SHISA4: variants seen among roughly 807,000 people sequenced by gnomAD.
SHISA4 encodes the protein shisa family member 4.
Under a neutral mutation model 24.2 loss-of-function variants are expected in SHISA4, and 16 were observed. That is an observed-to-expected ratio of 0.66 (90% CI 0.45 to 1.00). The LOEUF is 1.00. Among genes scored for constraint, SHISA4 ranks in the 50% least tolerant of loss-of-function variants. The probability of loss-of-function intolerance (pLI) is 0.00; values close to 1 mark genes in which losing one functional copy is unlikely to be tolerated. For missense variants in SHISA4, 238 were observed against 258.9 expected, an observed-to-expected ratio of 0.92 and a Z score of 0.55; for synonymous variants, 106 against 105.4, an observed-to-expected ratio of 1.01 and a Z score of -0.04.
At position 201,890,716 on chromosome 1, in the gene SHISA4, A is replaced by G. The variant is rs79284730; in HGVS notation, c.379+129A>G. The G allele has an allele frequency of 1.5e-4, 190 of 1,251,822 alleles. No individual in the cohort carries two copies. The East Asian group carries it at 3.9e-3, about 26-fold the overall frequency. 77.5% of individuals were successfully genotyped at this position (1,251,822 alleles called of 1,614,324 possible). Reference sequence around the variant, plus strand: ...CTTCTGTATACACACACCTGCCAGCATGAAAACCCAGAAAAATGCTTGTAA... The same window carrying G: ...CTTCTGTATACACACACCTGCCAGCGTGAAAACCCAGAAAAATGCTTGTAA... On this transcript the variant is annotated intron_variant, in intron 3 of 4. Transcript: ENST00000362011.
At chr1:201,891,632 C>G (rs1305219732) in intron 4 of SHISA4, 64 bp downstream of exon 4, 1 of 1,551,798 alleles carries the variant, frequency 6.4e-7, no homozygotes, top group Non-Finnish European at 8.8e-7. Flanking sequence ...GCGACCTCCC[C>G]TGTGCCTCTC....
chr1:201,892,044 G>A lies in SHISA4; in HGVS notation c.*198G>A, dbSNP rs553974867. ...GCTGAACTAGAACTATGAGGGGTTG[G>A]GGGGAGGGCTTGGAATTATGGGCTA... On this transcript the variant is annotated 3_prime_UTR_variant, in exon 5 of 5. Transcript: ENST00000362011. 1 of 624,914 alleles carries A rather than the reference G, an allele frequency of 1.6e-6. No individual in the cohort carries two copies. Among genetic ancestry groups the A allele is most frequent in the African/African-American group, 1.8e-5 (1 of 54,070 alleles). 38.7% of individuals were successfully genotyped at this position (624,914 alleles called of 1,614,324 possible).
In SHISA4 at chr1:201,889,020, C is replaced by G; in HGVS notation, c.26C>G (p.Ala9Gly). 1 of 1,380,316 alleles carries G rather than the reference C, an allele frequency of 7.2e-7. No homozygotes were observed. Among genetic ancestry groups the G allele is most frequent in the South Asian group, 1.8e-5 (1 of 55,580 alleles). The allele number at this position is 1,380,316 out of a possible 1,614,324, so 85.5% of individuals were successfully genotyped here. A position where few individuals can be genotyped will look rare whatever the true frequency, so the allele number is the denominator to read the frequency against. MPPAGLRR[A>G]APLTAIALLV... ...ATGCCACCCGCGGGGCTCCGCCGGG[C>G]CGCGCCGCTCACCGCAATCGCTCTG... Residue 9 changes from alanine (A) to glycine (G), a missense_variant, in exon 1 of 5, where the codon GCC (alanine) becomes GGC (glycine). Transcript: ENST00000362011.
chr1:201,888,854 G>T, upstream of SHISA4: 1 of 468,522 alleles, frequency 2.1e-6, no homozygotes. Flanking sequence ...CGGGCGGGGC[G>T]CTTAGTCCCA....
rs919670805 is a variant in SHISA4 at position 201,892,488 on chromosome 1, G to C, written c.*642G>C. ...GCGGACTGTTCCTGGCTTCCTAAAGGCTTCCTAAAGACAATGAGGTGAATT... is the reference window on the plus strand; with the variant it reads ...GCGGACTGTTCCTGGCTTCCTAAAGCCTTCCTAAAGACAATGAGGTGAATT... On this transcript the variant is annotated 3_prime_UTR_variant, in exon 5 of 5. Transcript: ENST00000362011. 3.3e-5 allele frequency among the ~76,000 whole-genome samples: 5 copies of C among 151,992 alleles called. No homozygotes were observed. The highest frequency in any genetic ancestry group is 1.3e-4 in the Admixed American group (2 of 15,242).
At chr1:201,891,699 C>G (rs1681103213) in intron 4 of SHISA4, 101 bp from the exon 5 acceptor site, 1 of 1,547,678 alleles carries the variant, frequency 6.5e-7, no homozygotes, top group Non-Finnish European at 8.9e-7. Context: ...AACCTCCAGG[C>G]CCACTCTTCC....
At chr1:201,889,972 T>G (rs926146561) in intron 2 of SHISA4, among the ~76,000 whole-genome samples, 1 of 152,154 alleles carries the variant, frequency 6.6e-6, no homozygotes, top group African/African-American at 2.4e-5. Context: ...GCAGGAGACT[T>G]GGGTTTGATT....
In SHISA4 at chr1:201,888,977, C is replaced by T; in HGVS notation, c.-18C>T. The T allele has an allele frequency of 7.2e-7, 1 of 1,381,160 alleles. No individual in the cohort carries two copies. Among genetic ancestry groups the T allele is most frequent in the Non-Finnish European group, 9.4e-7 (1 of 1,065,114 alleles). The allele number at this position is 1,381,160 out of a possible 1,614,324, so 85.6% of individuals were successfully genotyped here. ...CCTTCTCTGGGAGGCCCGACCCCGGCCGCGCCCAGCCCCCACCATGCCACC... is the reference window on the plus strand; with the variant it reads ...CCTTCTCTGGGAGGCCCGACCCCGGTCGCGCCCAGCCCCCACCATGCCACC... On this transcript the variant is annotated 5_prime_UTR_variant, in exon 1 of 5. Transcript: ENST00000362011.
chr1:201,889,684 C>T (rs1158191957), intron 2 of SHISA4, 68 bp downstream of exon 2: 3 of 1,554,036 alleles, frequency 1.9e-6, no homozygotes, highest in Admixed American at 1.7e-5. Flanking sequence ...CTCTTCCTCC[C>T]TCCCGGACTC....
chr1:201,892,080 G>A lies in SHISA4; in HGVS notation c.*234G>A, dbSNP rs1341507562. On this transcript the variant is annotated 3_prime_UTR_variant, in exon 5 of 5. Coordinates refer to ENST00000362011, the MANE Select transcript of SHISA4 (RefSeq NM_198149.3). ...TGGAATTATGGGCTATTTTTACTGG[G>A]GGCAAGGGAGGGAGATGACAGCCTG... is the stretch of plus-strand genomic sequence containing the variant. 7.2e-6 allele frequency: 4 copies of A among 552,026 alleles called. No homozygotes were observed. Among genetic ancestry groups the A allele is most frequent in the South Asian group, 4.3e-5 (2 of 46,794 alleles). 34.2% of individuals were successfully genotyped at this position (552,026 alleles called of 1,614,324 possible). A position where few individuals can be genotyped will look rare whatever the true frequency, so the allele number is the denominator to read the frequency against.
rs1681072044 is a variant in SHISA4 at position 201,890,439 on chromosome 1, G to C, written c.246-15G>C. On this transcript the variant is annotated splice_polypyrimidine_tract_variant and intron_variant, in intron 2 of 4. Transcript: ENST00000362011. ...TGAGTGTTGGAAGGTGAGAGGACCTGTTCTTTGTCTAAAGCCCCAAGACCA... is the reference window on the plus strand; with the variant it reads ...TGAGTGTTGGAAGGTGAGAGGACCTCTTCTTTGTCTAAAGCCCCAAGACCA... 6.2e-7 allele frequency: 1 copy of C among 1,613,890 alleles called. No homozygotes were observed. Among genetic ancestry groups the C allele is most frequent in the Non-Finnish European group, 8.5e-7 (1 of 1,179,870 alleles).
intron 2 of SHISA4, among the ~76,000 whole-genome samples, chr1:201,890,229 C>T (rs1571567485): frequency 1.3e-5 from 2 of 152,178 alleles, no homozygotes; most frequent in African/African-American, 4.8e-5. Context: ...GTTGGGGGCG[C>T]ACTGCAAATC....
intron 1 of SHISA4, 84 bp downstream of exon 1, chr1:201,889,151 G>C: frequency 7.9e-7 from 1 of 1,268,782 alleles, no homozygotes; most frequent in African/African-American, 1.5e-5. Flanking sequence ...TGGGCTCGGG[G>C]CTTCTCCGAG....
chr1:201,889,584 C>T lies in SHISA4; in HGVS notation c.213C>T (p.Thr71=), dbSNP rs1482921157. ...YCCRDLTLLI[T]ERQQKHCLAF... ...GCAGGGACCTGACCTTGCTTATCAC[C>T]GAGAGGCAGCAGAAGCACTGCCTGG... Residue 71 remains threonine, a synonymous_variant, in exon 2 of 5, where the codon ACC becomes ACT. Transcript: ENST00000362011. The T allele has an allele frequency of 1.2e-6, 2 of 1,613,728 alleles. No individual in the cohort carries two copies. Among genetic ancestry groups the T allele is most frequent in the Non-Finnish European group, 1.7e-6 (2 of 1,180,010 alleles).
intron 3 of SHISA4, 45 bp downstream of exon 3, chr1:201,890,632 A>G: frequency 6.2e-7 from 1 of 1,606,172 alleles, no homozygotes; most frequent in Non-Finnish European, 8.5e-7. Context: ...GGGCTGGGCT[A>G]AGTCCAATAA....
chr1:201,891,740 G>T lies in SHISA4; in HGVS notation c.548-60G>T, dbSNP rs1317249264. The T allele has an allele frequency of 2.5e-6, 4 of 1,598,840 alleles. No homozygotes were observed. In the African/African-American group the frequency reaches 5.4e-5, roughly 21 times the overall value. ...GGTCCTGTCTGCCCCGGGGGCAGGG[G>T]TGTTACTTTTCGTCCACCTATGCCA... On this transcript the variant is annotated intron_variant, in intron 4 of 4. Coordinates refer to ENST00000362011, the MANE Select transcript of SHISA4 (RefSeq NM_198149.3).
chr1:201,888,712 C>T (rs925147388), upstream of SHISA4: 1 of 334,016 alleles, frequency 3.0e-6, no homozygotes, highest in East Asian at 4.5e-5. Context: ...GAGGAACCAC[C>T]GCGGAGCCGG....
upstream of SHISA4, chr1:201,888,747 C>T (rs1007634027): frequency 6.8e-5 from 25 of 365,096 alleles, no homozygotes; most frequent in African/African-American, 4.6e-4. Context: ...GGGCAGTGCT[C>T]TGCTGGGTGA....
intron 2 of SHISA4, 55 bp downstream of exon 2, chr1:201,889,671 C>G: frequency 6.3e-7 from 1 of 1,581,934 alleles, no homozygotes. Context: ...CTCCAGAGGC[C>G]TCCTCTTCCT....
Sources: gnomAD v4.1 joint callset for allele counts (sites outside exome capture counted in the v4.1 genomes callset) on GRCh38, gnomAD v4.1.1 for gene constraint, MANE v1.5 for transcripts, NCBI Gene and HGNC (gene_info 2026-07-23, HGNC 2026-07-21) for gene names.